ZMYND11: variants seen among roughly 807,000 people sequenced by gnomAD.
ZMYND11 encodes the protein zinc finger MYND domain-containing protein 11.
In ZMYND11, 9 loss-of-function variants were observed where a neutral mutation model predicts 84.9. That is an observed-to-expected ratio of 0.11 (90% CI 0.06 to 0.18). The LOEUF is 0.18. Among genes scored for constraint, ZMYND11 ranks in the 10% least tolerant of loss-of-function variants. ZMYND11 has a pLI of 1.00. For synonymous variants in ZMYND11, 250 were observed against 244.1 expected, an observed-to-expected ratio of 1.02 and a Z score of -0.23; for missense variants, 409 against 761.0, an observed-to-expected ratio of 0.54 and a Z score of 5.44.
intron 3 of ZMYND11, among the ~76,000 whole-genome samples, chr10:213,746 A>G (rs1164540018): frequency 6.6e-6 from 1 of 152,138 alleles, no homozygotes; most frequent in Non-Finnish European, 1.5e-5. Flanking sequence ...CAATTCCACA[A>G]TTCTGTTGAT....
intron 4 of ZMYND11, among the ~76,000 whole-genome samples, chr10:227,722 C>G (rs916241028): frequency 6.6e-6 from 1 of 152,136 alleles, no homozygotes; most frequent in Non-Finnish European, 1.5e-5. Context: ...AATGAAAATA[C>G]TTTGAACATA....
chr10:160,507 A>G (rs1405102919), intron 1 of ZMYND11, among the ~76,000 whole-genome samples: 3 of 152,144 alleles, frequency 2.0e-5, no homozygotes, highest in Admixed American at 2.0e-4. Context: ...TGCCACATCG[A>G]TTGGCTTTTC....
chr10:180,384 A>G (rs1333719399), intron 2 of ZMYND11, among the ~76,000 whole-genome samples: 1 of 152,140 alleles, frequency 6.6e-6, no homozygotes, highest in Non-Finnish European at 1.5e-5. Context: ...TAGTTAACCA[A>G]ATTTTTAACT....
chr10:231,232 T>A (rs1229322801), intron 4 of ZMYND11, among the ~76,000 whole-genome samples: 11 of 152,366 alleles, frequency 7.2e-5, no homozygotes, highest in Admixed American at 5.9e-4. Context: ...AAAATGCTTC[T>A]TGACTTTTGG....
chr10:141,863 T>C (rs1837572013), intron 1 of ZMYND11, among the ~76,000 whole-genome samples: 1 of 152,226 alleles, frequency 6.6e-6, no homozygotes, highest in South Asian at 2.1e-4. Context: ...ACATGAAAGA[T>C]ATTAAAAAAT....
intron 1 of ZMYND11, among the ~76,000 whole-genome samples, chr10:161,743 C>T (rs996401448): frequency 2.0e-5 from 3 of 152,190 alleles, no homozygotes; most frequent in African/African-American, 7.2e-5. Context: ...AGCTTCCTCA[C>T]GTCTCTCAGC....
intron 10 of ZMYND11, chr10:244,383 T>C (rs958777201): frequency 6.6e-6 from 1 of 152,212 alleles, no homozygotes; most frequent in East Asian, 1.9e-4. Context: ...AAATAGAATA[T>C]GCTGCTCGTC....
chr10:137,170 G>A (rs1159036608), intron 1 of ZMYND11, among the ~76,000 whole-genome samples: 1 of 152,036 alleles, frequency 6.6e-6, no homozygotes, highest in Admixed American at 6.5e-5. Context: ...ACCTAGTACC[G>A]AGTGTCATAT....
intron 1 of ZMYND11, among the ~76,000 whole-genome samples, chr10:176,507 T>A (rs183376104): frequency 1.3e-4 from 20 of 152,282 alleles, no homozygotes; most frequent in African/African-American, 4.8e-4. Context: ...AAAGTGAATT[T>A]AATAATTTTA....
chr10:197,908 C>A, intron 2 of ZMYND11: 2 of 582,704 alleles, frequency 3.4e-6, no homozygotes, highest in South Asian at 4.4e-5. Context: ...ATTTCAATTT[C>A]AGATGTGAAA....
At chr10:135,374 G>T (rs1210118577), upstream of ZMYND11, 3 of 151,010 alleles carry the variant, frequency 2.0e-5, no homozygotes, top group South Asian at 2.0e-4. This position sits in a 1 kb window ranked among gnomAD's most constrained non-coding sequence, Gnocchi z 5.6. Flanking sequence ...GGGTCCGGGC[G>T]GGGGGGAGCC....
intron 1 of ZMYND11, among the ~76,000 whole-genome samples, chr10:166,576 A>T (rs1257925037): frequency 6.6e-6 from 1 of 152,166 alleles, no homozygotes; most frequent in Non-Finnish European, 1.5e-5. Context: ...TTTTTAAAGT[A>T]AAAAATTAGG....
chr10:178,888 A>C (rs1003216022), intron 1 of ZMYND11, among the ~76,000 whole-genome samples: 1 of 152,150 alleles, frequency 6.6e-6, no homozygotes, highest in African/African-American at 2.4e-5. Flanking sequence ...AGGGGAACTG[A>C]GTAGGCTGTG....
At chr10:144,666 CAAA>C (rs1838303057) in intron 1 of ZMYND11, among the ~76,000 whole-genome samples, 2 of 83,508 alleles carry the variant, frequency 2.4e-5, no homozygotes, top group African/African-American at 9.2e-5. Context: ...TTTTTTTTAA[CAAA>C]AACATTAAAT....
At chr10:147,539 T>G (rs1839193914) in intron 1 of ZMYND11, among the ~76,000 whole-genome samples, 1 of 151,634 alleles carries the variant, frequency 6.6e-6, no homozygotes, top group African/African-American at 2.4e-5. Context: ...TTTTTTGGAA[T>G]AGCTTATATG....
intron 2 of ZMYND11, among the ~76,000 whole-genome samples, chr10:189,177 C>T (rs1212744422): frequency 6.6e-6 from 1 of 152,202 alleles, no homozygotes; most frequent in Non-Finnish European, 1.5e-5. Context: ...CTGAGTTCTC[C>T]TGGAGTTCTT....
At chr10:239,195 A>C (rs1185395382) in intron 6 of ZMYND11, among the ~76,000 whole-genome samples, 2 of 152,226 alleles carry the variant, frequency 1.3e-5, no homozygotes, top group African/African-American at 4.8e-5. Context: ...GTTCACTCTG[A>C]TAAATTAATG....
At chr10:131,443 C>T (rs1554749920), upstream of ZMYND11, among the ~76,000 whole-genome samples, 1 of 152,178 alleles carries the variant, frequency 6.6e-6, no homozygotes, top group Non-Finnish European at 1.5e-5. Context: ...GCACTGTCAG[C>T]TCAGCTCCTC....
rs1481014949 is a variant in ZMYND11 at position 135,936 on chromosome 10, G to A, written c.-20+377G>A. Among the ~76,000 whole-genome samples, 1 of 151,714 alleles carries A rather than the reference G, an allele frequency of 6.6e-6. No homozygotes were observed. The highest frequency in any genetic ancestry group is 1.5e-5 in the Non-Finnish European group (1 of 67,874). ...CGCCGGGCCCTGTGCCCCGCTTTCG[G>A]TCAGGCCTCCTGGGCCCGTGCGCAG... On this transcript the variant is annotated intron_variant, in intron 1 of 14. Coordinates refer to ENST00000381604, the MANE Select transcript of ZMYND11 (RefSeq NM_001370100.5). This position sits in a 1 kb window ranked among gnomAD's most constrained non-coding sequence, Gnocchi z 5.6.
Sources: gnomAD v4.1 joint callset for allele counts (sites outside exome capture counted in the v4.1 genomes callset) on GRCh38, gnomAD v4.1.1 for gene constraint, Gnocchi (gnomAD v3.1) non-coding constraint, MANE v1.5 for transcripts, NCBI Gene and HGNC (gene_info 2026-07-23, HGNC 2026-07-21) for gene names.